Variants in CXXC5 observed in about 807,000 individuals in gnomAD.
CXXC5 encodes CXXC-type zinc finger protein 5.
A neutral mutation model predicts 17.6 loss-of-function variants in CXXC5; 2 were observed. The observed-to-expected ratio is 0.11, with a 90% CI of 0.05 to 0.36. The LOEUF (loss-of-function observed/expected upper bound fraction) is 0.36, where lower values mean the gene tolerates loss of function less well. CXXC5 is among the 10% of genes least tolerant of loss of function. CXXC5 has a pLI of 1.00. For missense variants in CXXC5, 343 were observed against 458.3 expected, an observed-to-expected ratio of 0.75 and a Z score of 2.30; for synonymous variants, 171 against 193.0, an observed-to-expected ratio of 0.89 and a Z score of 0.94.
chr5:139,683,619 C>T lies in CXXC5; in HGVS notation c.*712C>T, dbSNP rs1444172944. On this transcript the variant is annotated 3_prime_UTR_variant, in exon 3 of 3. Coordinates refer to ENST00000302517, the MANE Select transcript of CXXC5 (RefSeq NM_016463.9). ...GTTCTGTTCGTTTATCCATTGCGATCTGGGGAGCCCCATCTCGATATTTCC... is the reference window on the plus strand; with the variant it reads ...GTTCTGTTCGTTTATCCATTGCGATTTGGGGAGCCCCATCTCGATATTTCC... 2.6e-5 allele frequency: 4 copies of T among 152,482 alleles called. No individual in the cohort carries two copies. The highest frequency in any genetic ancestry group is 4.4e-5 in the Non-Finnish European group (3 of 68,040). 9.4% of individuals were successfully genotyped at this position (152,482 alleles called of 1,614,324 possible).
intron 1 of CXXC5, among the ~76,000 whole-genome samples, chr5:139,678,866 C>G (rs1235282469): frequency 6.6e-6 from 1 of 152,224 alleles, no homozygotes; most frequent in East Asian, 1.9e-4. Context: ...TCCCACCCCT[C>G]TCTTGGGGCA....
At position 139,680,888 on chromosome 5, in the gene CXXC5, C is replaced by T. The variant is rs749398982; in HGVS notation, c.365C>T (p.Ala122Val). The change falls in exon 2 of 3, where the codon GCG becomes GTG. Residue 122 changes from alanine (A) to valine (V), a missense_variant. Physicochemically the swap from Ala to Val is moderately conservative, Grantham distance 64 (BLOSUM62 0). Around this residue, in one of 4 missense-constraint regions of CXXC5, gnomAD observed 297 missense variants for 363.4 expected, o/e 0.82. Coordinates refer to ENST00000302517, the MANE Select transcript of CXXC5 (RefSeq NM_016463.9). Reference protein sequence around the residue: ...ASLLANGHDLAAAMAVDKSNP... With the variant: ...ASLLANGHDLVAAMAVDKSNP... ...CTGTTGGCCAATGGGCATGACCTGG[C>T]GGCGGCCATGGCGGTGGACAAAAGC... The T allele has an allele frequency of 1.3e-5, 21 of 1,606,332 alleles. No homozygotes were observed. The Middle Eastern group carries it at 4.9e-4, about 38-fold the overall frequency.
chr5:139,671,018 G>A (rs915480796), intron 1 of CXXC5, among the ~76,000 whole-genome samples: 1 of 152,214 alleles, frequency 6.6e-6, no homozygotes, highest in Non-Finnish European at 1.5e-5. Context: ...TATGCCACCC[G>A]AGGGGCTTTT....
At chr5:139,664,024 G>A (rs1031278962) in intron 1 of CXXC5, among the ~76,000 whole-genome samples, 1 of 152,244 alleles carries the variant, frequency 6.6e-6, no homozygotes, top group African/African-American at 2.4e-5. Flanking sequence ...GGCTCCCCTC[G>A]CCCCATTACA....
chr5:139,682,430 CAT>C (rs1182000443), intron 2 of CXXC5, among the ~76,000 whole-genome samples: 8 of 151,704 alleles, frequency 5.3e-5, no homozygotes, highest in Admixed American at 1.3e-4. Context: ...TGCACACACA[CAT>C]AGACACGGCC....
intron 1 of CXXC5, among the ~76,000 whole-genome samples, chr5:139,671,634 C>T (rs1756477308): frequency 6.6e-6 from 1 of 152,232 alleles, no homozygotes; most frequent in Non-Finnish European, 1.5e-5. Context: ...CTGCGGAATG[C>T]CCGGAGCTCT....
intron 1 of CXXC5, among the ~76,000 whole-genome samples, chr5:139,655,048 C>T (rs553293716): frequency 2.0e-5 from 3 of 152,264 alleles, no homozygotes; most frequent in African/African-American, 4.8e-5. Context: ...CAGGAGGTGC[C>T]GTGGCAGCGG....
At chr5:139,657,934 C>T (rs1755576321) in intron 1 of CXXC5, among the ~76,000 whole-genome samples, 1 of 152,166 alleles carries the variant, frequency 6.6e-6, no homozygotes, top group Admixed American at 6.5e-5. Flanking sequence ...AACCCCCCAC[C>T]ACCCACTCTC....
chr5:139,655,688 A>T (rs1173297512), intron 1 of CXXC5, among the ~76,000 whole-genome samples: 2 of 151,944 alleles, frequency 1.3e-5, no homozygotes, highest in Non-Finnish European at 2.9e-5. Flanking sequence ...CCAGTGGAAC[A>T]GAAACCGCGG....
At chr5:139,675,495 G>A (rs1472504471) in intron 1 of CXXC5, 5 of 152,200 alleles carry the variant, frequency 3.3e-5, no homozygotes, top group Non-Finnish European at 7.3e-5. Context: ...CTCTCCTGGG[G>A]TCTGTGACAG....
chr5:139,672,472 T>C (rs567282425), intron 1 of CXXC5, among the ~76,000 whole-genome samples: 1 of 152,254 alleles, frequency 6.6e-6, no homozygotes, highest in Non-Finnish European at 1.5e-5. Flanking sequence ...AGGGACTGGA[T>C]GCTCCTTGCC....
Position 139,661,228 on chromosome 5 carries a change from A to AGCTGGGCG in CXXC5, c.-161+12385_-161+12392dup, listed in dbSNP as rs1454124834. Among the ~76,000 whole-genome samples the AGCTGGGCG allele has an allele frequency of 1.3e-5, 2 of 152,180 alleles. No individual in the cohort carries two copies. Among genetic ancestry groups the AGCTGGGCG allele is most frequent in the African/African-American group, 4.8e-5 (2 of 41,440 alleles). On this transcript the variant is annotated intron_variant, in intron 1 of 2. Coordinates refer to ENST00000302517, the MANE Select transcript of CXXC5 (RefSeq NM_016463.9). The surrounding 1 kb of genome is among the most constrained non-coding windows in gnomAD (Gnocchi z 4.7). ...GCCATCAGCCCAGCAGAGCAGGGTG[A>AGCTGGGCG]GCTGGGCGGGCGGGCGGCAGGATTA...
intron 1 of CXXC5, chr5:139,649,337 C>G (rs1028649787): frequency 6.6e-6 from 1 of 152,386 alleles, no homozygotes; most frequent in Non-Finnish European, 1.5e-5. Flanking sequence ...GTCCTCACCT[C>G]TTGGCGTTGG....
At chr5:139,677,103 G>A (rs1436987824) in intron 1 of CXXC5, among the ~76,000 whole-genome samples, 2 of 152,028 alleles carry the variant, frequency 1.3e-5, no homozygotes, top group East Asian at 1.9e-4. Flanking sequence ...GCGGCGGGGC[G>A]CTGGCTCCGC....
rs934860382 is a variant in CXXC5 at position 139,663,153 on chromosome 5, C to T, written c.-161+14308C>T. On this transcript the variant is annotated intron_variant, in intron 1 of 2. Transcript: ENST00000302517. This position sits in a 1 kb window ranked among gnomAD's most constrained non-coding sequence, Gnocchi z 4.2. ...GGGGAGGGATGGGAATGGGTTGGAC[C>T]CAGGGCAAAGGAACCCATGGGTGTT... 6.6e-6 allele frequency among the ~76,000 whole-genome samples: 1 copy of T among 152,056 alleles called. No homozygotes were observed. The highest frequency in any genetic ancestry group is 1.5e-5 in the Non-Finnish European group (1 of 68,008).
intron 1 of CXXC5, among the ~76,000 whole-genome samples, chr5:139,666,378 AGAC>A (rs147712344): frequency 1.6e-3 from 239 of 152,286 alleles, no homozygotes; most frequent in African/African-American, 5.6e-3. Context: ...AAGCCTCAGA[AGAC>A]CCCCATGCCC....
chr5:139,654,202 C>G (rs1187640110), intron 1 of CXXC5, among the ~76,000 whole-genome samples: 2 of 152,198 alleles, frequency 1.3e-5, no homozygotes, highest in Non-Finnish European at 2.9e-5. Context: ...TTGACCTTTT[C>G]TGGGTGTCCC....
intron 2 of CXXC5, among the ~76,000 whole-genome samples, chr5:139,682,037 C>T (rs560164593): frequency 2.8e-4 from 43 of 152,218 alleles, no homozygotes; most frequent in African/African-American, 1.0e-3. Flanking sequence ...GGGGAGGTGA[C>T]CATGAGCCCG....
intron 1 of CXXC5, among the ~76,000 whole-genome samples, chr5:139,676,014 T>A (rs1756763186): frequency 3.1e-5 from 4 of 128,518 alleles, no homozygotes. Context: ...GGTATGAGTC[T>A]CCCTCCTTCC....
Sources: allele counts gnomAD v4.1 joint callset (sites outside exome capture counted in the v4.1 genomes callset), GRCh38; gene constraint gnomAD v4.1.1; regional missense constraint gnomAD v4.1.1; non-coding constraint Gnocchi (gnomAD v3.1); transcripts MANE v1.5; gene names NCBI Gene and HGNC (gene_info 2026-07-23, HGNC 2026-07-21).